Variants in RD3 observed in about 807,000 individuals in gnomAD.
RD3 encodes RD3 regulator of GUCY2D, also known as protein RD3.
A neutral mutation model predicts 16.9 loss-of-function variants in RD3; 11 were observed. That is an observed-to-expected ratio of 0.65 (90% CI 0.41 to 1.08). The LOEUF is 1.08. Ranked by LOEUF, RD3 falls within the 50% of genes least tolerant of loss-of-function variation. The probability of loss-of-function intolerance (pLI) is 0.00; values close to 1 mark genes in which losing one functional copy is unlikely to be tolerated. For synonymous variants in RD3, 116 were observed against 114.8 expected (o/e 1.01, Z -0.07); for missense variants, 274 against 267.4 (o/e 1.02, Z -0.17).
chr1:211,485,877 C>G (rs1413213309), intron 1 of RD3, among the ~76,000 whole-genome samples: 1 of 152,190 alleles, frequency 6.6e-6, no homozygotes, highest in Non-Finnish European at 1.5e-5. Flanking sequence ...TTAGGATAGG[C>G]CAGGCACGAT....
chr1:211,488,061 C>T (rs1050584647), intron 1 of RD3, among the ~76,000 whole-genome samples: 2 of 152,222 alleles, frequency 1.3e-5, no homozygotes, highest in Admixed American at 1.3e-4. Flanking sequence ...GCTCATTAAC[C>T]AGCGAGGCCT....
chr1:211,479,405 G>C, intron 2 of RD3, 78 bp from the exon 3 acceptor site: 1 of 1,371,530 alleles, frequency 7.3e-7, no homozygotes, highest in Non-Finnish European at 9.9e-7. Flanking sequence ...ACCCCGAGGG[G>C]CTGCCCGTGC....
chr1:211,477,846 C>A lies in RD3; in HGVS notation c.*1190G>T. 5.5e-6 allele frequency: 2 copies of A among 366,364 alleles called. No homozygotes were observed. Among genetic ancestry groups the A allele is most frequent in the Non-Finnish European group, 9.7e-6 (2 of 206,928 alleles). 22.7% of individuals were successfully genotyped at this position (366,364 alleles called of 1,614,324 possible). On this transcript the variant is annotated 3_prime_UTR_variant, in exon 3 of 3. Transcript: ENST00000680073. ...TGAGGGTAGACACTTCCCCACCCAT[C>A]CCCCTTACACCCCACTTCAACCCCA...
At position 211,478,997 on chromosome 1, in the gene RD3, T is replaced by C. The variant is rs771026640; in HGVS notation, c.*39A>G. On this transcript the variant is annotated 3_prime_UTR_variant, in exon 3 of 3. Coordinates refer to ENST00000680073, the MANE Select transcript of RD3 (RefSeq NM_001164688.2). ...CCGGTCACCGGCCTATCATTCCCCC[T>C]GCAGAAGGCTCCGCTTCTGGGCAGG... 4 of 1,538,350 alleles carry C rather than the reference T, an allele frequency of 2.6e-6. No individual in the cohort carries two copies. The highest frequency in any genetic ancestry group is 3.5e-6 in the Non-Finnish European group (4 of 1,143,542).
chr1:211,480,914 C>T (rs1315520577), intron 2 of RD3, among the ~76,000 whole-genome samples: 1 of 149,310 alleles, frequency 6.7e-6, no homozygotes, highest in Non-Finnish European at 1.5e-5. Flanking sequence ...CCTCCAGGAG[C>T]TGCCTCCTGC....
intron 1 of RD3, among the ~76,000 whole-genome samples, chr1:211,490,585 G>C (rs975935557): frequency 4.6e-5 from 7 of 152,244 alleles, no homozygotes; most frequent in Non-Finnish European, 8.8e-5. Flanking sequence ...CAGAGAGTAG[G>C]TGCTTCTCTG....
rs376558739 is a variant in RD3 at position 211,481,373 on chromosome 1, G to A, written c.43C>T (p.Arg15Trp). 7.2e-5 allele frequency: 116 copies of A among 1,613,690 alleles called. No individual in the cohort carries two copies. Among genetic ancestry groups the A allele is most frequent in the Admixed American group, 1.0e-4 (6 of 60,026 alleles). ...TCAGCAGGGCTCCTGGTGGACAGCC[G>A]GGATGGGGCCTCGTTCCACCGAAGC... ...SWLRWNEAPSRLSTRSPAEMV... is the reference protein window; with the variant it reads ...SWLRWNEAPSWLSTRSPAEMV... Residue 15 changes from arginine to tryptophan, a missense_variant, in exon 2 of 3, where the codon CGG (arginine) becomes TGG (tryptophan). Arg to Trp is a moderately radical substitution (Grantham distance 101). Coordinates refer to ENST00000680073, the MANE Select transcript of RD3 (RefSeq NM_001164688.2).
intron 1 of RD3, among the ~76,000 whole-genome samples, chr1:211,489,094 A>G (rs1004091329): frequency 6.6e-6 from 1 of 152,152 alleles, no homozygotes; most frequent in African/African-American, 2.4e-5. Context: ...TCCCCAATCT[A>G]TAAGGGAATA....
Position 211,481,270 on chromosome 1 carries a change from T to C in RD3, c.146A>G (p.Asn49Ser). ...EAERQQRERS[N>S]AVRKVCTGVD... The stretch of plus-strand genomic sequence containing the variant: ...ACCGGTGCAGACCTTTCTGACCGCA[T>C]TGCTGCGCTCCCGCTGCTGCCTCTC... Residue 49 changes from asparagine to serine, a missense_variant, in exon 2 of 3, where the codon AAT becomes AGT. Transcript: ENST00000680073. 2 of 1,614,260 alleles carry C rather than the reference T, an allele frequency of 1.2e-6. No individual in the cohort carries two copies. The highest frequency in any genetic ancestry group is 1.6e-4 in the Middle Eastern group (1 of 6,062).
chr1:211,486,002 G>A (rs1045585525), intron 1 of RD3, among the ~76,000 whole-genome samples: 3 of 150,960 alleles, frequency 2.0e-5, no homozygotes, highest in Admixed American at 6.6e-5. Context: ...TTAGCTGGGC[G>A]TTGTGGCATG....
At chr1:211,483,011 C>A (rs1705307190) in intron 1 of RD3, among the ~76,000 whole-genome samples, 1 of 151,912 alleles carries the variant, frequency 6.6e-6, no homozygotes, top group Non-Finnish European at 1.5e-5. Context: ...CACCCCAGTG[C>A]TTAATGCAGA....
At position 211,484,465 on chromosome 1, in the gene RD3, G is replaced by A. The variant is rs1379602482; in HGVS notation, c.-11-3039C>T. On this transcript the variant is annotated intron_variant, in intron 1 of 2. Transcript: ENST00000680073. Reference sequence around the variant, plus strand: ...TTTGAGCTGAAAGAAGAGAGCAAGAGAGTGGCTTGGCAGCAGAGGGTTCTC... The same window carrying A: ...TTTGAGCTGAAAGAAGAGAGCAAGAAAGTGGCTTGGCAGCAGAGGGTTCTC... Among the ~76,000 whole-genome samples the A allele has an allele frequency of 2.0e-5, 3 of 152,176 alleles. No homozygotes were observed. The East Asian group carries it at 5.8e-4, about 29-fold the overall frequency.
At position 211,479,347 on chromosome 1, in the gene RD3, G is replaced by A; in HGVS notation, c.297-20C>T. 6.3e-7 allele frequency: 1 copy of A among 1,591,608 alleles called. No individual in the cohort carries two copies. Among genetic ancestry groups the A allele is most frequent in the Non-Finnish European group, 8.5e-7 (1 of 1,170,436 alleles). On this transcript the variant is annotated intron_variant, in intron 2 of 2. Transcript: ENST00000680073. ...CGGAACCTGGGCGGGAGGGGAGGGC[G>A]CTGGGGACATTCACCCACAACAGCG... is the stretch of plus-strand genomic sequence containing the variant.
chr1:211,479,341 G>A lies in RD3; in HGVS notation c.297-14C>T. 1 of 1,595,520 alleles carries A rather than the reference G, an allele frequency of 6.3e-7. No homozygotes were observed. On this transcript the variant is annotated splice_polypyrimidine_tract_variant and intron_variant, in intron 2 of 2. Transcript: ENST00000680073. ...AGCTGCCGGAACCTGGGCGGGAGGG[G>A]AGGGCGCTGGGGACATTCACCCACA... is the stretch of plus-strand genomic sequence containing the variant.
At chr1:211,480,081 C>A (rs1705231915) in intron 2 of RD3, among the ~76,000 whole-genome samples, 1 of 152,168 alleles carries the variant, frequency 6.6e-6, no homozygotes, top group East Asian at 1.9e-4. Flanking sequence ...TTCCCCCTCA[C>A]TTTTGAGGCT....
intron 1 of RD3, among the ~76,000 whole-genome samples, chr1:211,488,867 TCACCAC>T (rs1705429746): frequency 6.6e-6 from 1 of 152,048 alleles, no homozygotes. Flanking sequence ...TCACCCCCAC[TCACCAC>T]CTCCACTGCT....
intron 1 of RD3, among the ~76,000 whole-genome samples, chr1:211,491,144 T>C (rs1287959667): frequency 6.6e-6 from 1 of 152,134 alleles, no homozygotes; most frequent in Non-Finnish European, 1.5e-5. Flanking sequence ...GCAGCTGGAC[T>C]TTCCTTCTAG....
In RD3 at chr1:211,485,082, C is replaced by T. The variant is rs149889169; in HGVS notation, c.-11-3656G>A. ...GGCAGAGTAAGGCCAGAAGCAAGCCCGAGTACAGTCTGGGGTGCAGCCTGT... is the reference window on the plus strand; with the variant it reads ...GGCAGAGTAAGGCCAGAAGCAAGCCTGAGTACAGTCTGGGGTGCAGCCTGT... On this transcript the variant is annotated intron_variant, in intron 1 of 2. Coordinates refer to ENST00000680073, the MANE Select transcript of RD3 (RefSeq NM_001164688.2). Among the ~76,000 whole-genome samples the T allele has an allele frequency of 5.3e-5, 8 of 152,334 alleles. No homozygotes were observed. The East Asian group carries it at 1.4e-3, about 26-fold the overall frequency.
chr1:211,491,562 A>G (rs1473946571), intron 1 of RD3, among the ~76,000 whole-genome samples: 1 of 151,956 alleles, frequency 6.6e-6, no homozygotes, highest in African/African-American at 2.4e-5. Context: ...ATCGGTTCCA[A>G]CTCCTGTGGA....
Sources: allele counts gnomAD v4.1 joint callset (sites outside exome capture counted in the v4.1 genomes callset), GRCh38; gene constraint gnomAD v4.1.1; transcripts MANE v1.5; gene names NCBI Gene and HGNC (gene_info 2026-07-23, HGNC 2026-07-21).